Variants in NFXL1 observed in about 807,000 individuals in gnomAD.
NFXL1 encodes nuclear transcription factor, X-box binding like 1, also known as NF-X1-type zinc finger protein NFXL1.
In NFXL1, 66 loss-of-function variants were observed where a neutral mutation model predicts 123.3. The observed-to-expected ratio is 0.54, with a 90% CI of 0.44 to 0.66. NFXL1 has a LOEUF of 0.66. NFXL1 is among the 30% of genes least tolerant of loss of function. NFXL1 has a pLI of 0.00. For missense variants in NFXL1, 944 were observed against 1,125.6 expected, an observed-to-expected ratio of 0.84 and a Z score of 2.31; for synonymous variants, 346 against 360.8, an observed-to-expected ratio of 0.96 and a Z score of 0.46.
intron 18 of NFXL1, 21 bp downstream of exon 18, chr4:47,875,106 C>CTT: frequency 6.6e-7 from 1 of 1,520,598 alleles, no homozygotes; most frequent in Non-Finnish European, 9.1e-7. Context: ...TAAAATAAGA[C>CTT]TTTTTTTTCA....
chr4:47,861,081 G>A lies in NFXL1; in HGVS notation c.2316+1765C>T, dbSNP rs1024940787. Reference sequence around the variant, plus strand: ...TCACCATGTTAGCCAGGCTGGTCTCGAACTCCTCACCTCAGGTCATCCACC... The same window carrying A: ...TCACCATGTTAGCCAGGCTGGTCTCAAACTCCTCACCTCAGGTCATCCACC... On this transcript the variant is annotated intron_variant, in intron 19 of 22. Transcript: ENST00000507489. Among the ~76,000 whole-genome samples, 5 of 148,564 alleles carry A rather than the reference G, an allele frequency of 3.4e-5. No individual in the cohort carries two copies. In the South Asian group the frequency reaches 8.5e-4, roughly 25 times the overall value.
rs1733888010 is a variant in NFXL1 at position 47,847,686 on chromosome 4, A to T, written c.*477T>A. 1.3e-5 allele frequency: 2 copies of T among 152,672 alleles called. No individual in the cohort carries two copies. Among genetic ancestry groups the T allele is most frequent in the African/African-American group, 4.8e-5 (2 of 41,462 alleles). The allele number at this position is 152,672 out of a possible 1,614,324, so 9.5% of individuals were successfully genotyped here. A position where few individuals can be genotyped will look rare whatever the true frequency, so the allele number is the denominator to read the frequency against. ...TTCTGAAATCTAATTACATACCTTC[A>T]TGTCACAATTTAAGAGGTCTGTTAG... On this transcript the variant is annotated 3_prime_UTR_variant, in exon 23 of 23. Transcript: ENST00000507489.
chr4:47,849,150 CCAGAA>C (rs1733976023), intron 22 of NFXL1, among the ~76,000 whole-genome samples: 1 of 151,956 alleles, frequency 6.6e-6, no homozygotes, highest in Admixed American at 6.6e-5. Context: ...AAAAAAGCTG[CCAGAA>C]CTCGATTCTT....
At chr4:47,895,214 G>A (rs76551590) in intron 10 of NFXL1, among the ~76,000 whole-genome samples, 2,587 of 152,164 alleles carry the variant, frequency 0.017, 75 homozygotes, top group African/African-American at 0.059. Context: ...CAGAGCATAG[G>A]CAGACTAGAT....
chr4:47,886,047 GC>G, intron 12 of NFXL1, 48 bp from the exon 13 acceptor site: 2 of 1,567,926 alleles, frequency 1.3e-6, no homozygotes, highest in South Asian at 1.1e-5. Context: ...CTACCCAAAT[GC>G]CTATTAATGG....
intron 15 of NFXL1, among the ~76,000 whole-genome samples, chr4:47,883,404 C>G (rs1431635959): frequency 6.6e-6 from 1 of 152,102 alleles, no homozygotes; most frequent in Non-Finnish European, 1.5e-5. Flanking sequence ...ACTAATAATT[C>G]TAACTTAGAG....
In NFXL1 at chr4:47,910,759, T is replaced by C. The variant is rs1289159221; in HGVS notation, c.406+65A>G. On this transcript the variant is annotated intron_variant, in intron 3 of 22. Transcript: ENST00000507489. The stretch of plus-strand genomic sequence containing the variant: ...TCTATTCCATATAGAACAAAGGCAT[T>C]ACCAAAAAAATGTCAGGAATACAGT... The C allele has an allele frequency of 4.9e-6, 5 of 1,022,640 alleles. No homozygotes were observed. In the South Asian group the frequency reaches 9.1e-5, roughly 19 times the overall value. The allele number at this position is 1,022,640 out of a possible 1,614,324, so 63.3% of individuals were successfully genotyped here.
At chr4:47,896,131 G>A (rs570457453) in intron 10 of NFXL1, among the ~76,000 whole-genome samples, 7 of 152,168 alleles carry the variant, frequency 4.6e-5, no homozygotes, top group African/African-American at 1.7e-4. Context: ...AATCACAATA[G>A]TAACATCAAA....
chr4:47,914,613 C>T (rs533173287), upstream of NFXL1: 4 of 165,282 alleles, frequency 2.4e-5, no homozygotes, highest in Admixed American at 6.4e-5. Flanking sequence ...GTCTCCTTAC[C>T]GACTGCGCAC....
At chr4:47,852,481 G>A (rs1439917758) in intron 20 of NFXL1, among the ~76,000 whole-genome samples, 2 of 152,098 alleles carry the variant, frequency 1.3e-5, no homozygotes, top group African/African-American at 4.8e-5. Flanking sequence ...CATGTGACTA[G>A]TGGCTACCAT....
At chr4:47,875,726 C>A (rs902886235) in intron 17 of NFXL1, among the ~76,000 whole-genome samples, 1 of 152,152 alleles carries the variant, frequency 6.6e-6, no homozygotes, top group South Asian at 2.1e-4. Flanking sequence ...AATAAAAATT[C>A]CAAAGCACTA....
chr4:47,885,450 T>G lies in NFXL1; in HGVS notation c.1824+48A>C, dbSNP rs116234652. 6.6e-4 allele frequency: 972 copies of G among 1,470,402 alleles called. 3 individuals carry two copies. The African/African-American group carries it at 0.013, about 19-fold the overall frequency. 91.1% of individuals were successfully genotyped at this position (1,470,402 alleles called of 1,614,324 possible). A position where few individuals can be genotyped will look rare whatever the true frequency, so the allele number is the denominator to read the frequency against. On this transcript the variant is annotated intron_variant, in intron 14 of 22. Coordinates refer to ENST00000507489, the MANE Select transcript of NFXL1 (RefSeq NM_001278624.2). The stretch of plus-strand genomic sequence containing the variant: ...GAAAAACTAAGTAAAAGCAAGAAAG[T>G]ACAACCCACAGCAATGCACTATTTC...
At chr4:47,853,729 C>T (rs1734254714) in intron 20 of NFXL1, among the ~76,000 whole-genome samples, 1 of 152,068 alleles carries the variant, frequency 6.6e-6, no homozygotes, top group African/African-American at 2.4e-5. Flanking sequence ...AACAGATTCA[C>T]AGAGATGATT....
intron 15 of NFXL1, among the ~76,000 whole-genome samples, chr4:47,881,953 A>G (rs1475961600): frequency 6.6e-6 from 1 of 152,208 alleles, no homozygotes; most frequent in South Asian, 2.1e-4. Flanking sequence ...GTATGAAACT[A>G]TAATAGTAAA....
chr4:47,862,875 T>C lies in NFXL1; in HGVS notation c.2287A>G (p.Ser763Gly), dbSNP rs775982216. The C allele has an allele frequency of 8.8e-6, 14 of 1,583,256 alleles. No individual in the cohort carries two copies. Among genetic ancestry groups the C allele is most frequent in the Non-Finnish European group, 1.0e-5 (12 of 1,167,628 alleles). The change falls in exon 19 of 23, where the codon AGT (serine) becomes GGT (glycine). Residue 763 changes from serine to glycine, a missense_variant. By Grantham distance (56) the Ser-to-Gly change is moderately conservative. This residue lies in a region of NFXL1 where 301 missense variants were observed against 348.0 expected (regional missense o/e 0.86). Transcript: ENST00000507489. ...TTAGGGCACTGATTTTTGCAACAAC[T>C]GAGGAGGTTCTTTTCATTTACATCA... ...TADVNEKNLL[S>G]CCKNQCPKEL...
At chr4:47,885,383 C>CA in intron 14 of NFXL1, 115 bp downstream of exon 14, 3 of 848,046 alleles carry the variant, frequency 3.5e-6, no homozygotes, top group Non-Finnish European at 5.6e-6. Flanking sequence ...TACCCTGCTC[C>CA]AAGCACAGTG....
At chr4:47,897,591 T>C (rs1348623877) in intron 9 of NFXL1, among the ~76,000 whole-genome samples, 1 of 152,158 alleles carries the variant, frequency 6.6e-6, no homozygotes, top group African/African-American at 2.4e-5. Flanking sequence ...CATTGACACA[T>C]CATAATCACC....
intron 18 of NFXL1, among the ~76,000 whole-genome samples, chr4:47,866,993 G>C (rs1281468892): frequency 6.6e-6 from 1 of 152,140 alleles, no homozygotes; most frequent in African/African-American, 2.4e-5. Context: ...CAGACTCTGG[G>C]CGCTTGTGAC....
chr4:47,871,360 A>AAC (rs1553924068), intron 18 of NFXL1, among the ~76,000 whole-genome samples: 1 of 151,742 alleles, frequency 6.6e-6, no homozygotes, highest in Non-Finnish European at 1.5e-5. Flanking sequence ...CAAAAAAAAA[A>AAC]AAAACAAAAA....
Sources: allele counts gnomAD v4.1 joint callset (sites outside exome capture counted in the v4.1 genomes callset), GRCh38; gene constraint gnomAD v4.1.1; regional missense constraint gnomAD v4.1.1; transcripts MANE v1.5; gene names NCBI Gene and HGNC (gene_info 2026-07-23, HGNC 2026-07-21).